Variants in FGD6 observed in about 807,000 individuals in gnomAD.
FGD6 encodes the protein FYVE, RhoGEF and PH domain-containing protein 6.
FGD6 carries 90 observed loss-of-function variants against 149.4 expected under a neutral mutation model. The ratio of observed to expected loss-of-function variants is 0.60; its 90% CI spans 0.51 to 0.72. FGD6 has a LOEUF of 0.72. Among genes scored for constraint, FGD6 ranks in the 30% least tolerant of loss-of-function variants. The pLI, the probability that FGD6 is intolerant of heterozygous loss-of-function variation, is 0.00. For synonymous variants in FGD6, 527 were observed against 584.0 expected (o/e 0.90, Z 1.41); for missense variants, 1,437 against 1,684.8 (o/e 0.85, Z 2.57).
chr12:95,214,804 G>A (rs1264045463), intron 1 of FGD6, among the ~76,000 whole-genome samples: 2 of 149,798 alleles, frequency 1.3e-5, no homozygotes, highest in South Asian at 2.1e-4. Flanking sequence ...ACCTGTACAT[G>A]TTCAAAAGGA....
intron 5 of FGD6, among the ~76,000 whole-genome samples, chr12:95,149,656 C>CAA (rs71078613): frequency 0.87 from 119,785 of 137,634 alleles, 52,439 homozygotes; most frequent in African/African-American, 0.96. Flanking sequence ...ACCCTTTTTT[C>CAA]AAAAAAAAAG....
intron 8 of FGD6, among the ~76,000 whole-genome samples, chr12:95,115,703 A>G (rs1878986717): frequency 6.6e-6 from 1 of 152,180 alleles, no homozygotes; most frequent in Non-Finnish European, 1.5e-5. Context: ...TAGTACTATT[A>G]TGGAATAGAT....
intron 6 of FGD6, among the ~76,000 whole-genome samples, chr12:95,138,702 A>G (rs1467970739): frequency 6.6e-6 from 1 of 152,140 alleles, no homozygotes; most frequent in African/African-American, 2.4e-5. Flanking sequence ...TCCACTATGC[A>G]GACTTCCACT....
intron 8 of FGD6, among the ~76,000 whole-genome samples, chr12:95,130,619 C>A (rs551212229): frequency 2.0e-5 from 3 of 152,156 alleles, no homozygotes; most frequent in South Asian, 2.1e-4. Flanking sequence ...TGGCTCAGGC[C>A]TGTGATGCCA....
chr12:95,194,719 C>G (rs1881693121), intron 2 of FGD6, among the ~76,000 whole-genome samples: 1 of 152,082 alleles, frequency 6.6e-6, no homozygotes, highest in South Asian at 2.1e-4. Context: ...GAATTAAATA[C>G]ACATGTGAGT....
intron 14 of FGD6, among the ~76,000 whole-genome samples, chr12:95,101,678 T>C (rs180843140): frequency 3.1e-4 from 32 of 103,604 alleles, no homozygotes; most frequent in Non-Finnish European, 3.2e-4. Flanking sequence ...TTCTTTGAAC[T>C]TTCTTTTTTT....
chr12:95,105,162 C>A, intron 13 of FGD6, 76 bp from the exon 14 acceptor site: 1 of 1,283,128 alleles, frequency 7.8e-7, no homozygotes, highest in Admixed American at 2.1e-5. Flanking sequence ...TGTCCAATGG[C>A]CCTGGCTGCT....
Position 95,084,601 on chromosome 12 carries a change from T to C in FGD6, c.4153A>G (p.Ile1385Val). 6.2e-7 allele frequency: 1 copy of C among 1,607,226 alleles called. No individual in the cohort carries two copies. The highest frequency in any genetic ancestry group is 8.5e-7 in the Non-Finnish European group (1 of 1,177,954). ...ESQPLLGFTVIQVKDENSESK... is the reference protein window; with the variant it reads ...ESQPLLGFTVVQVKDENSESK... Reference sequence around the variant, plus strand: ...TCGGAATTCTCATCTTTAACTTGAATAACAGTGAATCCTAATAAAGGCTGA... The same window carrying C: ...TCGGAATTCTCATCTTTAACTTGAACAACAGTGAATCCTAATAAAGGCTGA... Residue 1385 changes from isoleucine to valine, a missense_variant, in exon 20 of 21, where the codon ATT becomes GTT. By Grantham distance (29) the Ile-to-Val change is conservative (BLOSUM62 3). This residue lies in a region of FGD6 where 382 missense variants were observed against 538.7 expected (regional missense o/e 0.71). Coordinates refer to ENST00000343958, the MANE Select transcript of FGD6 (RefSeq NM_018351.4).
intron 9 of FGD6, among the ~76,000 whole-genome samples, chr12:95,110,361 A>AT (rs35972619): frequency 0.076 from 10,658 of 140,784 alleles, 491 homozygotes; most frequent in East Asian, 0.15. Flanking sequence ...ATATATCAGA[A>AT]TTTTTTTTTT....
intron 2 of FGD6, among the ~76,000 whole-genome samples, chr12:95,175,086 G>A (rs1179361078): frequency 6.6e-6 from 1 of 152,134 alleles, no homozygotes; most frequent in Non-Finnish European, 1.5e-5. Flanking sequence ...AAAGTACAAA[G>A]TGAACATCTG....
Position 95,081,347 on chromosome 12 carries a change from AAAC to A in FGD6, c.*170_*172del. The A allele has an allele frequency of 2.2e-6, 1 of 448,508 alleles. No homozygotes were observed. Among genetic ancestry groups the A allele is most frequent in the Non-Finnish European group, 3.9e-6 (1 of 255,506 alleles). 27.8% of individuals were successfully genotyped at this position (448,508 alleles called of 1,614,324 possible). A position where few individuals can be genotyped will look rare whatever the true frequency, so the allele number is the denominator to read the frequency against. ...ATTTTAATAAATAACATAAATGAAAAAACAAACACCTTTTAAAAATTGCTTATA... is the reference window on the plus strand; with the variant it reads ...ATTTTAATAAATAACATAAATGAAAAAAACACCTTTTAAAAATTGCTTATA... On this transcript the variant is annotated 3_prime_UTR_variant, in exon 21 of 21. Transcript: ENST00000343958.
intron 2 of FGD6, chr12:95,189,311 G>T (rs533444055): frequency 6.6e-6 from 1 of 152,260 alleles, no homozygotes; most frequent in Admixed American, 6.5e-5. Flanking sequence ...TTAACACTGT[G>T]AGGGCTCAAT....
intron 8 of FGD6, among the ~76,000 whole-genome samples, chr12:95,115,558 T>C (rs977186417): frequency 6.6e-6 from 1 of 152,094 alleles, no homozygotes; most frequent in African/African-American, 2.4e-5. Context: ...ATTTTTTAGA[T>C]AGGATTGTAT....
chr12:95,093,877 T>G (rs1878151593), intron 15 of FGD6, among the ~76,000 whole-genome samples: 1 of 149,850 alleles, frequency 6.7e-6, no homozygotes, highest in African/African-American at 2.5e-5. Flanking sequence ...TATGGGCTAT[T>G]GGCCAGGCAC....
intron 6 of FGD6, among the ~76,000 whole-genome samples, chr12:95,140,579 T>C (rs943017325): frequency 1.3e-5 from 2 of 152,076 alleles, no homozygotes; most frequent in Non-Finnish European, 2.9e-5. Context: ...ATCGTGCCAT[T>C]GCACTCCAGC....
chr12:95,081,341 A>G lies in FGD6; in HGVS notation c.*179T>C, dbSNP rs1877665110. 2.3e-6 allele frequency: 1 copy of G among 437,802 alleles called. No homozygotes were observed. Among genetic ancestry groups the G allele is most frequent in the East Asian group, 3.4e-5 (1 of 29,004 alleles). The allele number at this position is 437,802 out of a possible 1,614,324, so 27.1% of individuals were successfully genotyped here. A position where few individuals can be genotyped will look rare whatever the true frequency, so the allele number is the denominator to read the frequency against. Reference sequence around the variant, plus strand: ...ATCAAAATTTTAATAAATAACATAAATGAAAAAACAAACACCTTTTAAAAA... The same window carrying G: ...ATCAAAATTTTAATAAATAACATAAGTGAAAAAACAAACACCTTTTAAAAA... On this transcript the variant is annotated 3_prime_UTR_variant, in exon 21 of 21. Transcript: ENST00000343958.
chr12:95,173,689 C>T (rs6419373), intron 2 of FGD6, among the ~76,000 whole-genome samples: 94,932 of 151,708 alleles, frequency 0.63, 29,863 homozygotes, highest in Admixed American at 0.66. Flanking sequence ...GCTTTTCTGT[C>T]GTAAGTCTAC....
intron 1 of FGD6, among the ~76,000 whole-genome samples, chr12:95,215,589 A>G (rs1411133504): frequency 6.6e-6 from 1 of 152,216 alleles, no homozygotes; most frequent in Non-Finnish European, 1.5e-5. Context: ...CTAAAAACCA[A>G]CCAACTCGGC....
At chr12:95,102,443 C>CAAA (rs55926317) in intron 14 of FGD6, among the ~76,000 whole-genome samples, 31 of 104,208 alleles carry the variant, frequency 3.0e-4, no homozygotes, top group African/African-American at 9.2e-4. Context: ...GACCCTTTCT[C>CAAA]AAAAAAAAAA....
Sources: gnomAD v4.1 joint callset for allele counts (sites outside exome capture counted in the v4.1 genomes callset) on GRCh38, gnomAD v4.1.1 for gene constraint, gnomAD v4.1.1 regional missense constraint, MANE v1.5 for transcripts, NCBI Gene and HGNC (gene_info 2026-07-23, HGNC 2026-07-21) for gene names.